The following CNOT3 variants were observed in gnomAD, a reference collection of about 807,000 sequenced individuals.
The protein encoded by CNOT3 is CCR4-associated factor 3.
Under a neutral mutation model 89.4 loss-of-function variants are expected in CNOT3, and 2 were observed. The observed-to-expected ratio is 0.02, with a 90% CI of 0.01 to 0.07. The LOEUF is 0.07. Among genes scored for constraint, CNOT3 ranks in the 10% least tolerant of loss-of-function variants. The pLI is 1.00. For missense variants in CNOT3, 664 were observed against 1,010.2 expected, an observed-to-expected ratio of 0.66 and a Z score of 4.65; for synonymous variants, 486 against 402.0, an observed-to-expected ratio of 1.21 and a Z score of -2.50.
chr19:54,145,297 G>A lies in CNOT3; in HGVS notation c.484-301G>A, dbSNP rs1398668762. ...CTGGGCTGTCAGGTGAGGTGCAGAT[G>A]GAGGCCAAGTCGTGGGATGGCACAA... On this transcript the variant is annotated intron_variant, in intron 7 of 17. Transcript: ENST00000221232. The surrounding 1 kb of genome is among the most constrained non-coding windows in gnomAD (Gnocchi z 5.9). 6.6e-6 allele frequency among the ~76,000 whole-genome samples: 1 copy of A among 152,122 alleles called. No individual in the cohort carries two copies. Among genetic ancestry groups the A allele is most frequent in the South Asian group, 2.1e-4 (1 of 4,834 alleles).
rs941479940 is a variant in CNOT3, at chr19:54,143,816, C to T, written c.258+67C>T. 79 of 1,546,698 alleles carry T rather than the reference C, an allele frequency of 5.1e-5. 1 individual carries two copies. Among genetic ancestry groups the T allele is most frequent in the Middle Eastern group, 3.9e-4 (2 of 5,156 alleles). ...ACCAGATTCTTGAGATCCCAAGGGG[C>T]GGAGGCAGAGCGGCCAGACCCCAGA... On this transcript the variant is annotated intron_variant, in intron 5 of 17. Coordinates refer to ENST00000221232, the MANE Select transcript of CNOT3 (RefSeq NM_014516.4).
intron 16 of CNOT3, chr19:54,153,209 A>AC: frequency 2.6e-6 from 2 of 764,556 alleles, no homozygotes; most frequent in Non-Finnish European, 4.8e-6. Flanking sequence ...GCTTGGGTTG[A>AC]CAGCGAGGCT....
intron 10 of CNOT3, among the ~76,000 whole-genome samples, chr19:54,147,754 C>A (rs2074763094): frequency 6.6e-6 from 1 of 152,162 alleles, no homozygotes; most frequent in African/African-American, 2.4e-5. Flanking sequence ...GCTGTTTTTC[C>A]TTCTACTCTT....
intron 17 of CNOT3, chr19:54,154,292 C>G (rs2075303151): frequency 6.0e-6 from 2 of 333,032 alleles, no homozygotes; most frequent in Non-Finnish European, 1.2e-5. Context: ...ATGGGCTTCT[C>G]AAGTTCTAAT....
At chr19:54,138,210 TC>T (rs1317641663) in intron 1 of CNOT3, among the ~76,000 whole-genome samples, 5 of 151,054 alleles carry the variant, frequency 3.3e-5, no homozygotes, top group African/African-American at 7.3e-5. Context: ...TCTTTCACGT[TC>T]CTCAGCGCCT....
rs142057660 is a variant in CNOT3, at chr19:54,145,034, C to G, written c.484-564C>G. ...CTTGAACAGAGCAGAGATTTGGAAC[C>G]AAGGCTAAGATGTTAAATCCTAAAG... On this transcript the variant is annotated intron_variant, in intron 7 of 17. Coordinates refer to ENST00000221232, the MANE Select transcript of CNOT3 (RefSeq NM_014516.4). The surrounding 1 kb of genome is among the most constrained non-coding windows in gnomAD (Gnocchi z 5.9). Among the ~76,000 whole-genome samples the G allele has an allele frequency of 1.4e-4, 22 of 151,944 alleles. No homozygotes were observed. The highest frequency in any genetic ancestry group is 5.1e-4 in the African/African-American group (21 of 41,424).
At chr19:54,152,728 T>C in intron 15 of CNOT3, 102 bp downstream of exon 15, 2 of 1,091,426 alleles carry the variant, frequency 1.8e-6, no homozygotes. Flanking sequence ...GGCCCCTGAC[T>C]TGGGCTCTCC....
At chr19:54,154,941 T>G (rs2075332212) in intron 17 of CNOT3, 1 of 236,970 alleles carries the variant, frequency 4.2e-6, no homozygotes, top group Non-Finnish European at 8.2e-6. Context: ...ACCCACTGCC[T>G]CGAGGTCTTT....
At chr19:54,138,512 G>A (rs2074313501) in intron 1 of CNOT3, among the ~76,000 whole-genome samples, 1 of 152,112 alleles carries the variant, frequency 6.6e-6, no homozygotes, top group Non-Finnish European at 1.5e-5. Context: ...CGGGGAGGGG[G>A]GGTGGTGGTC....
rs1177652084 is a variant in CNOT3 at position 54,155,451 on chromosome 19, TC to T, written c.*49del. The T allele has an allele frequency of 1.6e-6, 2 of 1,263,938 alleles. No homozygotes were observed. The highest frequency in any genetic ancestry group is 1.5e-5 in the African/African-American group (1 of 67,690). The allele number at this position is 1,263,938 out of a possible 1,614,324, so 78.3% of individuals were successfully genotyped here. Reference sequence around the variant, plus strand: ...CCCACCCCCTTCCCCCGCATGCTGATCCCCCTGCCCAGGTGAGGGCCCTGCC... The same window carrying T: ...CCCACCCCCTTCCCCCGCATGCTGATCCCCTGCCCAGGTGAGGGCCCTGCC... On this transcript the variant is annotated 3_prime_UTR_variant, in exon 18 of 18. Coordinates refer to ENST00000221232, the MANE Select transcript of CNOT3 (RefSeq NM_014516.4).
chr19:54,154,393 C>G (rs562213372), intron 17 of CNOT3: 1 of 225,492 alleles, frequency 4.4e-6, no homozygotes, highest in East Asian at 1.0e-4. Flanking sequence ...GCAAGTCACT[C>G]GAACCTCTGT....
chr19:54,153,626 G>A, intron 16 of CNOT3, 89 bp from the exon 17 acceptor site: 5 of 975,344 alleles, frequency 5.1e-6, no homozygotes, highest in Non-Finnish European at 8.4e-6. Flanking sequence ...CGGGGGCCGG[G>A]GTTCAGCCCT....
In CNOT3 at chr19:54,148,841, GCCCTTGCTGCTGGGA is replaced by G; in HGVS notation, c.1406+99_1406+113del. ...CGCATCGGTGGGTTCTGAACCCCCC[GCCCTTGCTGCTGGGA>G]ATGGCCAAGCGCTATCCTCCATCTC... On this transcript the variant is annotated intron_variant, in intron 12 of 17. Transcript: ENST00000221232. The surrounding 1 kb of genome is among the most constrained non-coding windows in gnomAD (Gnocchi z 6.3). The G allele has an allele frequency of 8.3e-6, 9 of 1,085,498 alleles. No individual in the cohort carries two copies. The highest frequency in any genetic ancestry group is 1.6e-5 in the African/African-American group (1 of 63,094). The allele number at this position is 1,085,498 out of a possible 1,614,324, so 67.2% of individuals were successfully genotyped here.
intron 17 of CNOT3, 129 bp downstream of exon 17, chr19:54,153,969 A>G (rs780421189): frequency 4.2e-6 from 5 of 1,186,600 alleles, no homozygotes; most frequent in Middle Eastern, 3.8e-4. Context: ...AGCCTGACCA[A>G]GTACTCCTCC....
Position 54,148,028 on chromosome 19 carries a change from G to C in CNOT3, c.895-120G>C, listed in dbSNP as rs1241555462. 2.9e-6 allele frequency: 2 copies of C among 698,864 alleles called. No individual in the cohort carries two copies. Among genetic ancestry groups the C allele is most frequent in the Non-Finnish European group, 2.2e-6 (1 of 452,714 alleles). 43.3% of individuals were successfully genotyped at this position (698,864 alleles called of 1,614,324 possible). ...CCAGGTCCCCAAGAGGGCAGGAGCAGGTGGGGGCAGCGAGGCCAGAGAGGA... is the reference window on the plus strand; with the variant it reads ...CCAGGTCCCCAAGAGGGCAGGAGCACGTGGGGGCAGCGAGGCCAGAGAGGA... On this transcript the variant is annotated intron_variant, in intron 10 of 17. Transcript: ENST00000221232. The surrounding 1 kb of genome is among the most constrained non-coding windows in gnomAD (Gnocchi z 6.3).
intron 17 of CNOT3, chr19:54,155,048 G>C: frequency 1.8e-6 from 1 of 542,910 alleles, no homozygotes; most frequent in South Asian, 2.2e-5. Flanking sequence ...ACTCACACCT[G>C]GGGCTGGGGC....
chr19:54,142,975 GA>G lies in CNOT3; in HGVS notation c.-2del, dbSNP rs768778608. ...GAAGAGAGTGCGTCTGTAGGGCAGG[GA>G]AGATGGCGGACAAGCGCAAACTCCA... On this transcript the variant is annotated 5_prime_UTR_variant, in exon 2 of 18. Transcript: ENST00000221232. 6.2e-7 allele frequency: 1 copy of G among 1,613,996 alleles called. No individual in the cohort carries two copies. Among genetic ancestry groups the G allele is most frequent in the Admixed American group, 1.7e-5 (1 of 60,030 alleles).
In CNOT3 at chr19:54,142,840, C is replaced by T; in HGVS notation, c.-50-89C>T. Reference sequence around the variant, plus strand: ...ATGCTTCTTCTCTTTACCAGTCCCACCTACCTCACTATGCTGACTAGGTCC... The same window carrying T: ...ATGCTTCTTCTCTTTACCAGTCCCATCTACCTCACTATGCTGACTAGGTCC... On this transcript the variant is annotated intron_variant, in intron 1 of 17. Transcript: ENST00000221232. 6 of 824,304 alleles carry T rather than the reference C, an allele frequency of 7.3e-6. No individual in the cohort carries two copies. The South Asian group carries it at 8.3e-5, about 11-fold the overall frequency. The allele number at this position is 824,304 out of a possible 1,614,324, so 51.1% of individuals were successfully genotyped here.
chr19:54,148,714 C>A lies in CNOT3; in HGVS notation c.1377C>A (p.Ser459=). 6.2e-7 allele frequency: 1 copy of A among 1,611,732 alleles called. No individual in the cohort carries two copies. Among genetic ancestry groups the A allele is most frequent in the Non-Finnish European group, 8.5e-7 (1 of 1,179,302 alleles). The change falls in exon 12 of 18, where the codon TCC becomes TCA. Residue 459 remains serine, a synonymous_variant. Coordinates refer to ENST00000221232, the MANE Select transcript of CNOT3 (RefSeq NM_014516.4). The surrounding 1 kb of genome is among the most constrained non-coding windows in gnomAD (Gnocchi z 6.3). Reference sequence around the variant, plus strand: ...GCAGCCAGGCCTTGGGCCCCCCTTCCGGCCCCCACAACCCACCTCCCAGCA... The same window carrying A: ...GCAGCCAGGCCTTGGGCCCCCCTTCAGGCCCCCACAACCCACCTCCCAGCA... The part of the protein sequence containing the change: ...NASSQALGPP[S]GPHNPPPSTS...
Sources: gnomAD v4.1 joint callset for allele counts (sites outside exome capture counted in the v4.1 genomes callset) on GRCh38, gnomAD v4.1.1 for gene constraint, Gnocchi (gnomAD v3.1) non-coding constraint, MANE v1.5 for transcripts, NCBI Gene and HGNC (gene_info 2026-07-23, HGNC 2026-07-21) for gene names.